Variants in KLF12 observed in about 807,000 individuals in gnomAD.
KLF12 encodes KLF transcription factor 12, also known as Krueppel-like factor 12.
KLF12 carries 9 observed loss-of-function variants against 37.8 expected under a neutral mutation model. That is an observed-to-expected ratio of 0.24 (90% CI 0.14 to 0.42). The LOEUF is 0.42. KLF12 is among the 10% of genes least tolerant of loss of function. KLF12 has a pLI of 1.00. For synonymous variants in KLF12, 208 were observed against 202.1 expected (o/e 1.03, Z -0.25); for missense variants, 411 against 516.0 (o/e 0.80, Z 1.97).
the KLF12 span, among the ~76,000 whole-genome samples, chr13:74,199,974 C>T: frequency 2.6e-5 from 4 of 152,224 alleles, no homozygotes; most frequent in African/African-American, 9.6e-5. Flanking sequence ...ACACTTATAG[C>T]ATCCTACTTA....
At chr13:73,921,631 T>G (rs1481366667) in intron 3 of KLF12, among the ~76,000 whole-genome samples, 2 of 152,176 alleles carry the variant, frequency 1.3e-5, no homozygotes, top group Non-Finnish European at 2.9e-5. Context: ...AATGCAAAAA[T>G]GTAATAATAC....
chr13:74,130,772 T>C (rs1181275266), intron 1 of KLF12, among the ~76,000 whole-genome samples: 2 of 152,226 alleles, frequency 1.3e-5, no homozygotes, highest in African/African-American at 4.8e-5. Flanking sequence ...GAAAAACTTA[T>C]AAACAAAAAC....
At chr13:73,729,385 A>G (rs1876896310) in intron 6 of KLF12, among the ~76,000 whole-genome samples, 2 of 152,246 alleles carry the variant, frequency 1.3e-5, no homozygotes, top group Non-Finnish European at 2.9e-5. Flanking sequence ...AAAATACTGC[A>G]TGGTATAATA....
chr13:74,167,885 A>G, the KLF12 span, among the ~76,000 whole-genome samples: 3 of 152,354 alleles, frequency 2.0e-5, no homozygotes, highest in Middle Eastern at 6.8e-3. Flanking sequence ...TATACATTAA[A>G]GAATGCAAGA....
intron 5 of KLF12, among the ~76,000 whole-genome samples, chr13:73,783,505 T>A (rs1881105900): frequency 6.6e-6 from 1 of 152,144 alleles, no homozygotes. Context: ...CAAGAAATGA[T>A]AAACGTTTGA....
intron 3 of KLF12, among the ~76,000 whole-genome samples, chr13:73,879,535 C>T (rs955588771): frequency 6.6e-6 from 1 of 152,198 alleles, no homozygotes; most frequent in Non-Finnish European, 1.5e-5. Flanking sequence ...TCAAAACACA[C>T]AGTAAAACCA....
At chr13:74,079,119 T>C (rs930322325) in intron 1 of KLF12, among the ~76,000 whole-genome samples, 4 of 152,282 alleles carry the variant, frequency 2.6e-5, no homozygotes, top group Middle Eastern at 6.8e-3. Context: ...ATTTTCAAAC[T>C]TCTTTAAAAT....
chr13:73,900,324 AAT>A (rs1887981868), intron 3 of KLF12, among the ~76,000 whole-genome samples: 2 of 152,222 alleles, frequency 1.3e-5, no homozygotes, highest in South Asian at 2.1e-4. Flanking sequence ...GCCATTTCAT[AAT>A]ACTCAATATA....
At chr13:74,230,525 C>T in the KLF12 span, among the ~76,000 whole-genome samples, 1 of 152,128 alleles carries the variant, frequency 6.6e-6, no homozygotes, top group Non-Finnish European at 1.5e-5. Flanking sequence ...AAATTCTATT[C>T]AAGGGCTAGG....
intron 5 of KLF12, among the ~76,000 whole-genome samples, chr13:73,805,666 A>T (rs191021301): frequency 1.8e-4 from 10 of 54,814 alleles, no homozygotes; most frequent in African/African-American, 8.3e-4. Context: ...GGAAGGAAGG[A>T]AGGAAGGAAG....
At chr13:74,228,987 G>T in the KLF12 span, among the ~76,000 whole-genome samples, 1 of 152,100 alleles carries the variant, frequency 6.6e-6, no homozygotes, top group South Asian at 2.1e-4. Context: ...AGAACCCTCA[G>T]TACATGAAGC....
chr13:74,265,623 T>A, the KLF12 span, among the ~76,000 whole-genome samples: 1 of 152,220 alleles, frequency 6.6e-6, no homozygotes, highest in Non-Finnish European at 1.5e-5. Context: ...AGAGTAGAAA[T>A]GTATGATGTT....
At chr13:73,898,819 A>G (rs578048155) in intron 3 of KLF12, among the ~76,000 whole-genome samples, 28 of 152,330 alleles carry the variant, frequency 1.8e-4, no homozygotes, top group African/African-American at 6.5e-4. Flanking sequence ...AATGAGAAAA[A>G]AGAAATTACA....
intron 1 of KLF12, among the ~76,000 whole-genome samples, chr13:74,090,628 A>G (rs527579161): frequency 6.6e-6 from 1 of 152,248 alleles, no homozygotes; most frequent in African/African-American, 2.4e-5. Flanking sequence ...CCATGTGCTT[A>G]GTTGCCATCC....
chr13:74,157,958 T>C, the KLF12 span, among the ~76,000 whole-genome samples: 2 of 152,224 alleles, frequency 1.3e-5, no homozygotes, highest in Non-Finnish European at 2.9e-5. Context: ...TTGTATTCAA[T>C]GTGTGTGAGT....
At chr13:74,260,698 T>G in the KLF12 span, among the ~76,000 whole-genome samples, 5 of 151,256 alleles carry the variant, frequency 3.3e-5, no homozygotes, top group Admixed American at 3.3e-4. Context: ...ATAAAAAAAA[T>G]AGGTCCTGTG....
At chr13:73,869,537 C>A (rs545913437) in intron 3 of KLF12, among the ~76,000 whole-genome samples, 1 of 152,124 alleles carries the variant, frequency 6.6e-6, no homozygotes, top group South Asian at 2.1e-4. Flanking sequence ...AAATTGTAGA[C>A]ATATCTGGCC....
At chr13:73,870,155 C>T (rs1460705964) in intron 3 of KLF12, among the ~76,000 whole-genome samples, 1 of 152,100 alleles carries the variant, frequency 6.6e-6, no homozygotes, top group Non-Finnish European at 1.5e-5. Flanking sequence ...CTCATTTTCC[C>T]CAGGTTGCCA....
At chr13:74,104,232 G>A (rs560789492) in intron 1 of KLF12, among the ~76,000 whole-genome samples, 1 of 152,274 alleles carries the variant, frequency 6.6e-6, no homozygotes, top group African/African-American at 2.4e-5. Context: ...GTTTTGAGTA[G>A]TGCACCGTTA....
Sources: gnomAD v4.1 joint callset for allele counts (sites outside exome capture counted in the v4.1 genomes callset) on GRCh38, gnomAD v4.1.1 for gene constraint, MANE v1.5 for transcripts, NCBI Gene and HGNC (gene_info 2026-07-23, HGNC 2026-07-21) for gene names.